Variants in UGT2B11 observed in about 807,000 individuals in gnomAD.
The protein encoded by UGT2B11 is UDP glucuronosyltransferase family 2 member B11.
In UGT2B11, 49 loss-of-function variants were observed where a neutral mutation model predicts 51.7. That is an observed-to-expected ratio of 0.95 (90% CI 0.75 to 1.20). The LOEUF is 1.20. UGT2B11 is among the 50% of genes most tolerant of loss of function. UGT2B11 has a pLI of 0.00. For missense variants in UGT2B11, 810 were observed against 622.1 expected (o/e 1.30, Z -3.21); for synonymous variants, 273 against 209.0 (o/e 1.31, Z -2.64).
chr4:69,207,385 A>C (rs1248469850), intron 3 of UGT2B11, among the ~76,000 whole-genome samples: 1 of 151,698 alleles, frequency 6.6e-6, no homozygotes, highest in Admixed American at 6.6e-5. Flanking sequence ...ATTACAAGAA[A>C]GCTTTATCAG....
chr4:69,222,323 C>T, the UGT2B11 span, among the ~76,000 whole-genome samples: 9 of 152,350 alleles, frequency 5.9e-5, no homozygotes, highest in African/African-American at 1.9e-4. Flanking sequence ...TTTCTTAGGG[C>T]CTTCCTTAGC....
chr4:69,207,891 T>C (rs568362280), intron 3 of UGT2B11, among the ~76,000 whole-genome samples: 1 of 151,764 alleles, frequency 6.6e-6, no homozygotes, highest in African/African-American at 2.4e-5. Context: ...AAAATGATCA[T>C]AAGTCTTCCT....
chr4:69,206,624 A>G (rs1034668463), intron 3 of UGT2B11, among the ~76,000 whole-genome samples: 1 of 151,684 alleles, frequency 6.6e-6, no homozygotes, highest in Non-Finnish European at 1.5e-5. Flanking sequence ...CTGAACTTAA[A>G]AGTTAAAAAT....
chr4:69,200,738 G>A lies in UGT2B11; in HGVS notation c.1311-19C>T, dbSNP rs750203803. 1.3e-6 allele frequency: 2 copies of A among 1,593,576 alleles called. No homozygotes were observed. Among genetic ancestry groups the A allele is most frequent in the East Asian group, 4.5e-5 (2 of 44,372 alleles). ...TTTATATCTGAAGGATAAAAATAAG[G>A]ATACCAACACTGAAAGTAAGTTAAT... On this transcript the variant is annotated intron_variant, in intron 5 of 5. Transcript: ENST00000446444.
At chr4:69,221,137 A>G in the UGT2B11 span, among the ~76,000 whole-genome samples, 1 of 152,296 alleles carries the variant, frequency 6.6e-6, no homozygotes, top group South Asian at 2.1e-4. Flanking sequence ...AAGGAGAGAA[A>G]GCACAGTTCT....
chr4:69,212,403 T>C (rs968739692), intron 2 of UGT2B11, among the ~76,000 whole-genome samples, 170 bp downstream of exon 2: 1 of 151,726 alleles, frequency 6.6e-6, no homozygotes, highest in African/African-American at 2.4e-5. Flanking sequence ...AAAACTCACA[T>C]ACGTGTGACG....
chr4:69,204,415 C>T lies in UGT2B11; in HGVS notation c.1310+15G>A, dbSNP rs774026637. On this transcript the variant is annotated intron_variant, in intron 5 of 5. Transcript: ENST00000446444. ...TCCACAAATACCACCTAGTGAAAAACATTGTTCTACTCACAAAGGATCATT... is the reference window on the plus strand; with the variant it reads ...TCCACAAATACCACCTAGTGAAAAATATTGTTCTACTCACAAAGGATCATT... 46 of 1,610,658 alleles carry T rather than the reference C, an allele frequency of 2.9e-5. No homozygotes were observed. The highest frequency in any genetic ancestry group is 4.0e-5 in the African/African-American group (3 of 74,660).
chr4:69,203,888 G>C (rs1437275757), intron 5 of UGT2B11, among the ~76,000 whole-genome samples: 1 of 151,202 alleles, frequency 6.6e-6, no homozygotes, highest in Non-Finnish European at 1.5e-5. Context: ...CTTTTGTGTT[G>C]ATAAAAATGT....
chr4:69,214,271 T>A lies in UGT2B11; in HGVS notation c.452A>T (p.Asp151Val). ...CAGCTCACCACAGGGAAAAACAGCA[T>A]CTGCAAAAACGATGTCAAATCTTGA... The part of the protein sequence containing the change: ...QESRFDIVFA[D>V]AVFPCGELLA... Residue 151 changes from aspartate to valine, a missense_variant, in exon 1 of 6, where the codon GAT (aspartate) becomes GTT (valine). Asp to Val is a radical substitution (Grantham distance 152). Coordinates refer to ENST00000446444, the MANE Select transcript of UGT2B11 (RefSeq NM_001073.3). 1 of 1,613,338 alleles carries A rather than the reference T, an allele frequency of 6.2e-7. No individual in the cohort carries two copies.
rs11340393 is a variant in UGT2B11 at position 69,200,312 on chromosome 4, A to ATT, written c.*126_*127dup. The ATT allele has an allele frequency of 9.5e-3, 7,701 of 814,616 alleles. 18 individuals carry two copies. Among genetic ancestry groups the ATT allele is most frequent in the Middle Eastern group, 0.014 (35 of 2,518 alleles). The allele number at this position is 814,616 out of a possible 1,614,324, so 50.5% of individuals were successfully genotyped here. On this transcript the variant is annotated 3_prime_UTR_variant, in exon 6 of 6. Transcript: ENST00000446444. ...TTTACTTGACAAGGTAGATTTGAAA[A>ATT]TTTTTTTTTTTTTTTTTTTTTTGTC... is the stretch of plus-strand genomic sequence containing the variant.
rs1274781673 is a variant in UGT2B11 at position 69,209,228 on chromosome 4, G to A, written c.871-746C>T. Among the ~76,000 whole-genome samples the A allele has an allele frequency of 5.9e-5, 9 of 151,446 alleles. No homozygotes were observed. The South Asian group carries it at 1.9e-3, about 32-fold the overall frequency. ...TAGTTGTTGAATAATTGTACCTTTTGGGTTTTTGTTTAGGTGGAGCACCTA... is the reference window on the plus strand; with the variant it reads ...TAGTTGTTGAATAATTGTACCTTTTAGGTTTTTGTTTAGGTGGAGCACCTA... On this transcript the variant is annotated intron_variant, in intron 2 of 5. Transcript: ENST00000446444.
rs1721601996 is a variant in UGT2B11 at position 69,200,331 on chromosome 4, T to TTTTTTA, written c.*108_*109insTAAAAA. 7.5e-6 allele frequency: 9 copies of TTTTTTA among 1,197,726 alleles called. No individual in the cohort carries two copies. The highest frequency in any genetic ancestry group is 9.6e-6 in the Non-Finnish European group (9 of 942,058). The allele number at this position is 1,197,726 out of a possible 1,614,324, so 74.2% of individuals were successfully genotyped here. Reference sequence around the variant, plus strand: ...TTGAAAATTTTTTTTTTTTTTTTTTTTTTGTCACAGGAAGAAAGAAATCTT... The same window carrying TTTTTTA: ...TTGAAAATTTTTTTTTTTTTTTTTTTTTTTTATTTGTCACAGGAAGAAAGAAATCTT... On this transcript the variant is annotated 3_prime_UTR_variant, in exon 6 of 6. Transcript: ENST00000446444.
chr4:69,217,737 G>T (rs1722309803), upstream of UGT2B11, among the ~76,000 whole-genome samples: 1 of 151,488 alleles, frequency 6.6e-6, no homozygotes, highest in South Asian at 2.1e-4. Context: ...CCTATGCTGA[G>T]ACTGCATGTC....
At chr4:69,200,797 T>C in intron 5 of UGT2B11, 78 bp from the exon 6 acceptor site, 7 of 1,394,660 alleles carry the variant, frequency 5.0e-6, no homozygotes, top group Non-Finnish European at 4.8e-6. Flanking sequence ...GAAAGGCTTT[T>C]AAAGCATCAA....
At chr4:69,213,191 G>T (rs1375870829) in intron 1 of UGT2B11, among the ~76,000 whole-genome samples, 1 of 151,480 alleles carries the variant, frequency 6.6e-6, no homozygotes, top group Admixed American at 6.6e-5. Context: ...TTGAGTGTAT[G>T]GCAGAAATCC....
At position 69,212,681 on chromosome 4, in the gene UGT2B11, G is replaced by A. The variant is rs754179866; in HGVS notation, c.762C>T (p.Asp254=). ...TTLFETMGKA[D]IWLMRNSWSF... ...TCCAGGAGTTTCGCATAAGCCATAT[G>A]TCAGCTTTTCCCATTGTCTCAAATA... Residue 254 remains aspartate (D), a synonymous_variant, in exon 2 of 6, where the codon GAC becomes GAT. Coordinates refer to ENST00000446444, the MANE Select transcript of UGT2B11 (RefSeq NM_001073.3). The A allele has an allele frequency of 5.2e-5, 84 of 1,609,738 alleles. No homozygotes were observed. Among genetic ancestry groups the A allele is most frequent in the Non-Finnish European group, 6.9e-5 (81 of 1,177,584 alleles).
At chr4:69,207,200 T>G (rs4543201) in intron 3 of UGT2B11, among the ~76,000 whole-genome samples, 119,461 of 151,450 alleles carry the variant, frequency 0.79, 47,307 homozygotes, top group Non-Finnish European at 0.82. Context: ...GTGCTACAAA[T>G]CTTTGTCAAC....
rs7688262 is a variant in UGT2B11 at position 69,214,421 on chromosome 4, C to T, written c.302G>A (p.Arg101Gln). The T allele has an allele frequency of 0.11, 180,009 of 1,612,236 alleles. 12,542 individuals are homozygous for T. Among genetic ancestry groups the T allele is most frequent in the African/African-American group, 0.27 (20,446 of 74,776 alleles). Residue 101 changes from arginine (R) to glutamine (Q), a missense_variant, in exon 1 of 6, where the codon CGA (arginine) becomes CAA (glutamine). By Grantham distance (43) the Arg-to-Gln change is conservative. Coordinates refer to ENST00000446444, the MANE Select transcript of UGT2B11 (RefSeq NM_001073.3). ...MQQVKRWSDI[R>Q]KDSFWLYFSQ... ...AAAATATAACCAAAAGCTATCTTTT[C>T]GAATGTCTGACCATCTCTTAACCTG...
At chr4:69,223,939 C>T in the UGT2B11 span, among the ~76,000 whole-genome samples, 1 of 152,290 alleles carries the variant, frequency 6.6e-6, no homozygotes, top group South Asian at 2.1e-4. Context: ...GAAAGTCTAT[C>T]TGGGGAGCAA....
Sources: allele counts gnomAD v4.1 joint callset (sites outside exome capture counted in the v4.1 genomes callset), GRCh38; gene constraint gnomAD v4.1.1; transcripts MANE v1.5; gene names NCBI Gene and HGNC (gene_info 2026-07-23, HGNC 2026-07-21).